Variants in PPP4R4 observed in about 807,000 individuals in gnomAD.
PPP4R4 encodes the protein serine/threonine-protein phosphatase 4 regulatory subunit 4.
PPP4R4 carries 70 observed loss-of-function variants against 121.8 expected under a neutral mutation model. The ratio of observed to expected loss-of-function variants is 0.57; its 90% CI spans 0.47 to 0.70. The LOEUF (loss-of-function observed/expected upper bound fraction) is 0.70, where lower values mean the gene tolerates loss of function less well. PPP4R4 is among the 30% of genes least tolerant of loss of function. The probability of loss-of-function intolerance (pLI) is 0.00; values close to 1 mark genes in which losing one functional copy is unlikely to be tolerated. For missense variants in PPP4R4, 875 were observed against 1,033.6 expected, an observed-to-expected ratio of 0.85 and a Z score of 2.10; for synonymous variants, 348 against 355.7, an observed-to-expected ratio of 0.98 and a Z score of 0.24.
chr14:94,265,397 T>C lies in PPP4R4; in HGVS notation c.2208T>C (p.Thr736=). ...CAGAATTTATTTTAGGTAGAGACAC[T>C]AAGACACCAACGCAAAGTCTGCCCA... ...DKMFEKKRRD[T]KTPTQSLPKN... Residue 736 remains threonine, a synonymous_variant, in exon 21 of 25, where the codon ACT becomes ACC. Transcript: ENST00000304338. 6.2e-7 allele frequency: 1 copy of C among 1,610,680 alleles called. No individual in the cohort carries two copies. The highest frequency in any genetic ancestry group is 8.5e-7 in the Non-Finnish European group (1 of 1,176,914).
chr14:94,265,548 A>AAT, intron 21 of PPP4R4, 75 bp downstream of exon 21: 1 of 1,233,236 alleles, frequency 8.1e-7, no homozygotes, highest in South Asian at 1.2e-5. Context: ...AAGTCACTCT[A>AAT]TTAGATGAGA....
intron 2 of PPP4R4, among the ~76,000 whole-genome samples, chr14:94,180,224 G>A (rs149152440): frequency 3.0e-4 from 46 of 152,242 alleles, no homozygotes; most frequent in Non-Finnish European, 5.3e-4. Context: ...GAGGATAATG[G>A]TATTAATTTT....
chr14:94,245,034 A>G (rs1595519089), intron 12 of PPP4R4, among the ~76,000 whole-genome samples: 1 of 152,130 alleles, frequency 6.6e-6, no homozygotes, highest in African/African-American at 2.4e-5. Context: ...TCTTTTTTAT[A>G]TGAATATTCT....
intron 8 of PPP4R4, among the ~76,000 whole-genome samples, chr14:94,238,397 A>G (rs1486117840): frequency 6.6e-6 from 1 of 152,222 alleles, no homozygotes; most frequent in Non-Finnish European, 1.5e-5. Context: ...GTATAGGGCT[A>G]AGAATTTGAC....
chr14:94,266,160 G>A (rs925310557), intron 22 of PPP4R4, among the ~76,000 whole-genome samples: 3 of 152,010 alleles, frequency 2.0e-5, no homozygotes, highest in Admixed American at 6.5e-5. Flanking sequence ...TTTCATGAGG[G>A]AGATAGTAGT....
At chr14:94,259,635 G>A (rs983601628) in intron 19 of PPP4R4, among the ~76,000 whole-genome samples, 2 of 151,972 alleles carry the variant, frequency 1.3e-5, no homozygotes, top group African/African-American at 4.8e-5. Context: ...TTGACATATC[G>A]ATGAAACCAT....
chr14:94,185,056 C>T (rs1889194263), intron 2 of PPP4R4, among the ~76,000 whole-genome samples: 1 of 152,160 alleles, frequency 6.6e-6, no homozygotes, highest in African/African-American at 2.4e-5. Flanking sequence ...AGGTTATCCC[C>T]AATTAACAGG....
intron 7 of PPP4R4, among the ~76,000 whole-genome samples, chr14:94,235,388 C>CTTTTTTTTTTTTTTTTTT (rs34881107): frequency 5.9e-5 from 3 of 50,812 alleles, no homozygotes; most frequent in African/African-American, 2.8e-4. Flanking sequence ...TCTCCTTGTT[C>CTTTTTTTTTTTTTTTTTT]TTTTTTTTTT....
rs758501032 is a variant in PPP4R4, at chr14:94,208,527, T to C, written c.255T>C (p.Asn85=). Residue 85 remains asparagine (N), a synonymous_variant, in exon 3 of 25, where the codon AAT becomes AAC. Transcript: ENST00000304338. The part of the protein sequence containing the change: ...IANLPFLMRQ[N]PTETLRRVLP... The stretch of plus-strand genomic sequence containing the variant: ...ATCTCCCATTTTTGATGCGACAGAA[T>C]CCCACTGAGACGCTTCGGAGAGTGT... 6.2e-7 allele frequency: 1 copy of C among 1,611,872 alleles called. No homozygotes were observed. The highest frequency in any genetic ancestry group is 1.3e-5 in the African/African-American group (1 of 74,846).
At chr14:94,252,142 T>G (rs1195049891) in intron 16 of PPP4R4, among the ~76,000 whole-genome samples, 2 of 152,178 alleles carry the variant, frequency 1.3e-5, no homozygotes, top group Non-Finnish European at 2.9e-5. Context: ...ATTGGTAAGC[T>G]TCTTCGGCCA....
chr14:94,251,432 A>G (rs761067450), intron 15 of PPP4R4, among the ~76,000 whole-genome samples: 38 of 152,052 alleles, frequency 2.5e-4, no homozygotes, highest in Non-Finnish European at 5.0e-4. Flanking sequence ...TTTCAGGGCT[A>G]AATGAGATAA....
chr14:94,213,321 C>A (rs1279211954), intron 3 of PPP4R4, among the ~76,000 whole-genome samples: 1 of 152,166 alleles, frequency 6.6e-6, no homozygotes, highest in Non-Finnish European at 1.5e-5. Context: ...CAGCAGCCTC[C>A]TCACTGAGTC....
At chr14:94,183,334 G>A (rs1203502704) in intron 2 of PPP4R4, among the ~76,000 whole-genome samples, 3 of 152,076 alleles carry the variant, frequency 2.0e-5, no homozygotes, top group African/African-American at 7.2e-5. Flanking sequence ...GAAATTGCAG[G>A]CATCTTCATT....
At chr14:94,200,172 A>T (rs1335258573) in intron 2 of PPP4R4, among the ~76,000 whole-genome samples, 1 of 152,200 alleles carries the variant, frequency 6.6e-6, no homozygotes, top group Non-Finnish European at 1.5e-5. Flanking sequence ...TATAATATAT[A>T]AAAGTAGAGA....
chr14:94,268,905 A>G (rs913621322), intron 23 of PPP4R4, among the ~76,000 whole-genome samples: 1 of 152,176 alleles, frequency 6.6e-6, no homozygotes, highest in Non-Finnish European at 1.5e-5. Flanking sequence ...GAGCCAAACT[A>G]TATCATGAGA....
intron 23 of PPP4R4, among the ~76,000 whole-genome samples, chr14:94,269,273 A>T (rs1489862471): frequency 6.6e-6 from 1 of 152,204 alleles, no homozygotes; most frequent in African/African-American, 2.4e-5. Flanking sequence ...ATAACATTCC[A>T]TTCACAGTAC....
intron 17 of PPP4R4, among the ~76,000 whole-genome samples, chr14:94,257,993 G>A (rs1893569314): frequency 6.6e-6 from 1 of 152,030 alleles, no homozygotes; most frequent in East Asian, 1.9e-4. Context: ...CTCCCAGGAA[G>A]CTACACAAAA....
At chr14:94,265,648 A>G in intron 21 of PPP4R4, 146 bp from the exon 22 acceptor site, 1 of 783,340 alleles carries the variant, frequency 1.3e-6, no homozygotes, top group Non-Finnish European at 2.1e-6. Flanking sequence ...TAAGGGTAAG[A>G]GATACTTCAG....
intron 24 of PPP4R4, 139 bp downstream of exon 24, chr14:94,275,660 T>A (rs1329498638): frequency 7.3e-6 from 7 of 961,564 alleles, no homozygotes; most frequent in Non-Finnish European, 1.1e-5. Context: ...GGTATTATTG[T>A]CACATGTGAC....
Sources: allele counts gnomAD v4.1 joint callset (sites outside exome capture counted in the v4.1 genomes callset), GRCh38; gene constraint gnomAD v4.1.1; transcripts MANE v1.5; gene names NCBI Gene and HGNC (gene_info 2026-07-23, HGNC 2026-07-21).